NFXL1: variants seen among roughly 807,000 people sequenced by gnomAD.
NFXL1 encodes NF-X1-type zinc finger protein NFXL1.
Under a neutral mutation model 123.3 loss-of-function variants are expected in NFXL1, and 66 were observed. The ratio of observed to expected loss-of-function variants is 0.54; its 90% confidence interval spans 0.44 to 0.66. The LOEUF is 0.66. NFXL1 is among the 30% of genes least tolerant of loss of function. The pLI, the probability that NFXL1 is intolerant of heterozygous loss-of-function variation, is 0.00. For missense variants in NFXL1, 944 were observed against 1,125.6 expected (o/e 0.84, Z 2.31); for synonymous variants, 346 against 360.8 (o/e 0.96, Z 0.46).
chr4:47,889,845 T>C (rs1736661260), intron 12 of NFXL1, among the ~76,000 whole-genome samples: 1 of 152,164 alleles, frequency 6.6e-6, no homozygotes, highest in Non-Finnish European at 1.5e-5. Context: ...CTCACATGCA[T>C]AGTTTTCCAG....
At position 47,878,723 on chromosome 4, in the gene NFXL1, T is replaced by C; in HGVS notation, c.1939-58A>G. Reference sequence around the variant, plus strand: ...ATTACTCAAACGTTTCTGGACATATTATATGTTTCCAAAATTACTCTGCTA... The same window carrying C: ...ATTACTCAAACGTTTCTGGACATATCATATGTTTCCAAAATTACTCTGCTA... On this transcript the variant is annotated intron_variant, in intron 16 of 22. Coordinates refer to ENST00000507489, the MANE Select transcript of NFXL1 (RefSeq NM_001278624.2). 4 of 1,283,594 alleles carry C rather than the reference T, an allele frequency of 3.1e-6. No individual in the cohort carries two copies. The South Asian group carries it at 7.1e-5, about 23-fold the overall frequency. 79.5% of individuals were successfully genotyped at this position (1,283,594 alleles called of 1,614,324 possible). A position where few individuals can be genotyped will look rare whatever the true frequency, so the allele number is the denominator to read the frequency against.
intron 12 of NFXL1, among the ~76,000 whole-genome samples, chr4:47,887,994 G>A (rs763453983): frequency 1.3e-5 from 2 of 151,906 alleles, no homozygotes; most frequent in South Asian, 2.1e-4. Context: ...ACTATAAATC[G>A]GCTGGGCGCT....
rs1023172271 is a variant in NFXL1 at position 47,848,199 on chromosome 4, T to G, written c.2700A>C (p.Val900=). The G allele has an allele frequency of 6.2e-7, 1 of 1,609,802 alleles. No individual in the cohort carries two copies. The highest frequency in any genetic ancestry group is 1.3e-5 in the African/African-American group (1 of 74,842). The change falls in exon 23 of 23, where the codon GTA becomes GTC. Residue 900 remains valine, a synonymous_variant. Coordinates refer to ENST00000507489, the MANE Select transcript of NFXL1 (RefSeq NM_001278624.2). The stretch of plus-strand genomic sequence containing the variant: ...CATGGGTGATGTACCAGGCAAACAC[T>G]ACAACCACAACTCCACACACTGAAA... ...YLISVCGVVV[V]VFAWYITHDV...
chr4:47,850,983 T>C, intron 22 of NFXL1, 112 bp downstream of exon 22: 1 of 736,602 alleles, frequency 1.4e-6, no homozygotes. Context: ...ACTGTTATTT[T>C]CAGTTCACAA....
chr4:47,885,692 T>C, intron 13 of NFXL1, 35 bp from the exon 14 acceptor site: 1 of 1,569,312 alleles, frequency 6.4e-7, no homozygotes, highest in Middle Eastern at 1.7e-4. Context: ...AAAATTACTT[T>C]TAGTCATTGA....
chr4:47,885,519 T>C lies in NFXL1; in HGVS notation c.1803A>G (p.Ala601=), dbSNP rs2053404. The C allele has an allele frequency of 0.75, 1,208,753 of 1,611,534 alleles. 454,877 individuals are homozygous for C. Among genetic ancestry groups the C allele is most frequent in the South Asian group, 0.76 (69,234 of 90,966 alleles). The change falls in exon 14 of 23, where the codon GCA becomes GCG. Residue 601 remains alanine, a synonymous_variant. Coordinates refer to ENST00000507489, the MANE Select transcript of NFXL1 (RefSeq NM_001278624.2). ...TTACCCTGCCAGTCTGCTTTATTAA[T>C]GCTTGATCATGACACGGAGCAGGAC... is the stretch of plus-strand genomic sequence containing the variant. The part of the protein sequence containing the change: ...HLCPAPCHDQ[A]LIKQTGRHQP...
At position 47,878,203 on chromosome 4, in the gene NFXL1, A is replaced by T. The variant is rs1470763704; in HGVS notation, c.2079+322T>A. 3.3e-5 allele frequency among the ~76,000 whole-genome samples: 5 copies of T among 152,214 alleles called. No individual in the cohort carries two copies. In the South Asian group the frequency reaches 8.3e-4, roughly 25 times the overall value. ...ATATGAACAGAGAGAAATGGAGGTGATACTCTTACTTACTATCTAAGAAGA... is the reference window on the plus strand; with the variant it reads ...ATATGAACAGAGAGAAATGGAGGTGTTACTCTTACTTACTATCTAAGAAGA... On this transcript the variant is annotated intron_variant, in intron 17 of 22. Transcript: ENST00000507489.
intron 8 of NFXL1, among the ~76,000 whole-genome samples, chr4:47,898,358 A>C (rs1195074202): frequency 6.6e-6 from 1 of 152,162 alleles, no homozygotes; most frequent in African/African-American, 2.4e-5. Context: ...GCCATTCACC[A>C]AGGAGTTCTA....
rs1736380789 is a variant in NFXL1 at position 47,885,569 on chromosome 4, C to T, written c.1753G>A (p.Val585Ile). 1.2e-6 allele frequency: 2 copies of T among 1,613,912 alleles called. No homozygotes were observed. Among genetic ancestry groups the T allele is most frequent in the African/African-American group, 1.3e-5 (1 of 74,934 alleles). ...CPPCHQPCQK[V>I]LEKCGHLCPA... ...CACAAGTGACCACATTTCTCCAAAACTTTTTGGCAAGGTTGATGACATGGT... is the reference window on the plus strand; with the variant it reads ...CACAAGTGACCACATTTCTCCAAAATTTTTTGGCAAGGTTGATGACATGGT... Residue 585 changes from valine (V) to isoleucine (I), a missense_variant, in exon 14 of 23, where the codon GTT becomes ATT. Val to Ile is a conservative substitution (Grantham distance 29). Transcript: ENST00000507489.
Position 47,851,095 on chromosome 4 carries a change from C to T in NFXL1, c.2562G>A (p.Gln854=). The change falls in exon 22 of 23, where the codon CAG becomes CAA. Residue 854 remains glutamine (Q), a splice_region_variant and synonymous_variant. Coordinates refer to ENST00000507489, the MANE Select transcript of NFXL1 (RefSeq NM_001278624.2). ...AAATCTGGGTATTTTGTTTGGTTAC[C>T]TGTTGTCTTCGTTTTTCTTCTTCAA... is the stretch of plus-strand genomic sequence containing the variant. The part of the protein sequence containing the change: ...AALEEEKRRQ[Q]AELEAFENRL... 5 of 1,608,906 alleles carry T rather than the reference C, an allele frequency of 3.1e-6. No individual in the cohort carries two copies. The highest frequency in any genetic ancestry group is 4.3e-6 in the Non-Finnish European group (5 of 1,175,450).
intron 2 of NFXL1, among the ~76,000 whole-genome samples, chr4:47,912,999 G>T (rs1463940448): frequency 8.3e-6 from 1 of 121,080 alleles, no homozygotes; most frequent in Non-Finnish European, 1.7e-5. Flanking sequence ...GGCGACCAGC[G>T]AGACTCTGTC....
chr4:47,875,326 T>TA, intron 17 of NFXL1, 33 bp from the exon 18 acceptor site: 1 of 1,553,202 alleles, frequency 6.4e-7, no homozygotes, highest in South Asian at 1.2e-5. Context: ...ATCACCTAAG[T>TA]ACAAGGTAAG....
At position 47,848,055 on chromosome 4, in the gene NFXL1, G is replaced by A. The variant is rs932556993; in HGVS notation, c.*108C>T. The A allele has an allele frequency of 3.0e-6, 2 of 665,818 alleles. No individual in the cohort carries two copies. Among genetic ancestry groups the A allele is most frequent in the African/African-American group, 3.6e-5 (2 of 55,052 alleles). 41.2% of individuals were successfully genotyped at this position (665,818 alleles called of 1,614,324 possible). ...CTAACAACAGCTGAGAGAATACAGAGATGAATGTAAATATATATCATGTTC... is the reference window on the plus strand; with the variant it reads ...CTAACAACAGCTGAGAGAATACAGAAATGAATGTAAATATATATCATGTTC... On this transcript the variant is annotated 3_prime_UTR_variant, in exon 23 of 23. Transcript: ENST00000507489.
At position 47,852,031 on chromosome 4, in the gene NFXL1, A is replaced by C. The variant is rs1289329343; in HGVS notation, c.2422-89T>G. The C allele has an allele frequency of 1.0e-5, 8 of 773,968 alleles. No individual in the cohort carries two copies. In the East Asian group the frequency reaches 1.7e-4, roughly 17 times the overall value. 47.9% of individuals were successfully genotyped at this position (773,968 alleles called of 1,614,324 possible). A position where few individuals can be genotyped will look rare whatever the true frequency, so the allele number is the denominator to read the frequency against. The stretch of plus-strand genomic sequence containing the variant: ...AAAGCAAAGTTCATCTGATAGCTTA[A>C]GGTTATAAGTATTATTTGATGTCTT... On this transcript the variant is annotated intron_variant, in intron 20 of 22. Transcript: ENST00000507489.
At chr4:47,850,879 A>C (rs1250564925) in intron 22 of NFXL1, among the ~76,000 whole-genome samples, 1 of 152,100 alleles carries the variant, frequency 6.6e-6, no homozygotes, top group Non-Finnish European at 1.5e-5. Flanking sequence ...AAATACAAAA[A>C]AAAAATTTGG....
At position 47,910,856 on chromosome 4, in the gene NFXL1, G is replaced by A; in HGVS notation, c.374C>T (p.Ala125Val). ...DFEGKQGKILANTFITYTTQT... is the reference protein window; with the variant it reads ...DFEGKQGKILVNTFITYTTQT... ...AGTAGTGTATGTTATAAACGTATTT[G>A]CAAGTATTTTTCCCTGTTTTCCTTC... Residue 125 changes from alanine (A) to valine (V), a missense_variant, in exon 3 of 23, where the codon GCA becomes GTA. Coordinates refer to ENST00000507489, the MANE Select transcript of NFXL1 (RefSeq NM_001278624.2). 1.3e-6 allele frequency: 2 copies of A among 1,599,896 alleles called. No individual in the cohort carries two copies. The highest frequency in any genetic ancestry group is 1.7e-6 in the Non-Finnish European group (2 of 1,174,384).
At chr4:47,878,857 A>AT (rs1297627946) in intron 16 of NFXL1, among the ~76,000 whole-genome samples, 192 bp from the exon 17 acceptor site, 1 of 152,170 alleles carries the variant, frequency 6.6e-6, no homozygotes, top group Non-Finnish European at 1.5e-5. Flanking sequence ...CAAGAAGCAA[A>AT]ATGTTCTCCT....
intron 15 of NFXL1, 75 bp from the exon 16 acceptor site, chr4:47,879,192 C>T (rs1735935149): frequency 5.1e-6 from 3 of 588,140 alleles, no homozygotes; most frequent in Non-Finnish European, 8.5e-6. Flanking sequence ...GCTAACTCTA[C>T]TAGCATTAAA....
At position 47,863,004 on chromosome 4, in the gene NFXL1, C is replaced by T. The variant is rs4444800; in HGVS notation, c.2247-89G>A. The T allele has an allele frequency of 1.3e-4, 91 of 717,374 alleles. No homozygotes were observed. In the African/African-American group the frequency reaches 1.5e-3, roughly 12 times the overall value. 44.4% of individuals were successfully genotyped at this position (717,374 alleles called of 1,614,324 possible). On this transcript the variant is annotated intron_variant, in intron 18 of 22. Transcript: ENST00000507489. ...AATAACTCATAATTTCAAACATATC[C>T]ATAAAATTATCTTTTTTCCTCAAGA... is the stretch of plus-strand genomic sequence containing the variant.
Sources: allele counts gnomAD v4.1 joint callset (sites outside exome capture counted in the v4.1 genomes callset), GRCh38; gene constraint gnomAD v4.1.1; transcripts MANE v1.5; gene names NCBI Gene and HGNC (gene_info 2026-07-23, HGNC 2026-07-21).